Variants in SCAI observed in about 807,000 individuals in gnomAD.
SCAI encodes the protein suppressor of cancer cell invasion.
In SCAI, 24 loss-of-function variants were observed where a neutral mutation model predicts 92.2. The ratio of observed to expected loss-of-function variants is 0.26; its 90% CI spans 0.19 to 0.37. The LOEUF is 0.37. Among genes scored for constraint, SCAI ranks in the 10% least tolerant of loss-of-function variants. The pLI is 1.00. For synonymous variants in SCAI, 261 were observed against 258.6 expected (o/e 1.01, Z -0.09); for missense variants, 450 against 736.2 (o/e 0.61, Z 4.50).
intron 2 of SCAI, among the ~76,000 whole-genome samples, chr9:125,104,049 TCA>T (rs1480747070): frequency 1.3e-5 from 2 of 152,182 alleles, no homozygotes; most frequent in East Asian, 3.8e-4. Flanking sequence ...AGCCAGGCCT[TCA>T]CATATAGTTG....
chr9:125,143,319 T>C (rs13288300), intron 1 of SCAI, 66 bp downstream of exon 1: 17 of 907,598 alleles, frequency 1.9e-5, no homozygotes, highest in Middle Eastern at 4.2e-4. Context: ...CCCGAGCCGC[T>C]GCCCCTGGGC....
intron 14 of SCAI, among the ~76,000 whole-genome samples, chr9:124,992,699 C>A (rs1403025130): frequency 6.6e-6 from 1 of 152,096 alleles, no homozygotes; most frequent in African/African-American, 2.4e-5. Context: ...CTTTTCATTT[C>A]TGAAGATTGG....
At chr9:125,010,196 G>A (rs1203944420) in intron 9 of SCAI, among the ~76,000 whole-genome samples, 3 of 152,228 alleles carry the variant, frequency 2.0e-5, no homozygotes, top group African/African-American at 7.2e-5. Flanking sequence ...AGTGGGTGCA[G>A]CGCACCGTGC....
At chr9:125,128,619 GGT>G (rs906867565) in intron 2 of SCAI, among the ~76,000 whole-genome samples, 2 of 152,108 alleles carry the variant, frequency 1.3e-5, no homozygotes, top group Non-Finnish European at 2.9e-5. Flanking sequence ...CGGGTGTGGT[GGT>G]GTGTGCCTGT....
chr9:125,038,718 C>G (rs1347342120), intron 3 of SCAI, among the ~76,000 whole-genome samples: 1 of 152,196 alleles, frequency 6.6e-6, no homozygotes, highest in Non-Finnish European at 1.5e-5. Context: ...TGCAGTTCTT[C>G]CTGAATATCA....
rs866747293 is a variant in SCAI at position 124,946,721 on chromosome 9, A to G, written c.*6086T>C. 6 of 152,192 alleles carry G rather than the reference A, an allele frequency of 3.9e-5. No homozygotes were observed. The highest frequency in any genetic ancestry group is 1.4e-4 in the African/African-American group (6 of 41,462). The allele number at this position is 152,192 out of a possible 1,614,324, so 9.4% of individuals were successfully genotyped here. On this transcript the variant is annotated 3_prime_UTR_variant, in exon 18 of 18. Transcript: ENST00000336505. The surrounding 1 kb of genome is among the most constrained non-coding windows in gnomAD (Gnocchi z 4.0). ...ATCCTTGGGAGAGGTTTGAAGGCCC[A>G]GATTTTTATAGCACACCATGCATCT...
chr9:125,115,141 G>T (rs1237953264), intron 2 of SCAI, among the ~76,000 whole-genome samples: 1 of 151,962 alleles, frequency 6.6e-6, no homozygotes, highest in East Asian at 1.9e-4. Flanking sequence ...AGGAGGCCGA[G>T]GTGGGCGGAT....
At position 125,019,171 on chromosome 9, in the gene SCAI, C is replaced by T. The variant is rs749607765; in HGVS notation, c.644G>A (p.Arg215Gln). Reference sequence around the variant, plus strand: ...TTCCACTTGATCTTCAGTATTAAATCGGTGAGTATAATCTTCAATTTCATC... The same window carrying T: ...TTCCACTTGATCTTCAGTATTAAATTGGTGAGTATAATCTTCAATTTCATC... The part of the protein sequence containing the change: ...LSDEIEDYTH[R>Q]FNTEDQVEWN... The change falls in exon 8 of 18, where the codon CGA becomes CAA. Residue 215 changes from arginine to glutamine, a missense_variant. Physicochemically the swap from Arg to Gln is conservative, Grantham distance 43. Around this residue, in one of 3 missense-constraint regions of SCAI, gnomAD observed 360 missense variants for 601.8 expected, o/e 0.60. Coordinates refer to ENST00000336505, the MANE Select transcript of SCAI (RefSeq NM_001144877.3). 2.4e-5 allele frequency: 39 copies of T among 1,599,474 alleles called. No homozygotes were observed. The Admixed American group carries it at 3.2e-4, about 13-fold the overall frequency.
At chr9:125,004,757 ATATATATATATATATATATATATTTTT>A (rs1172813508) in intron 9 of SCAI, among the ~76,000 whole-genome samples, 32 of 8,322 alleles carry the variant, frequency 3.8e-3, no homozygotes, top group East Asian at 0.036. Context: ...ATATATATAT[ATATATATATATATATATATATATTTTT>A]TTTTTTTTTT....
chr9:125,071,853 G>T (rs560053986), intron 2 of SCAI, among the ~76,000 whole-genome samples: 1 of 152,270 alleles, frequency 6.6e-6, no homozygotes, highest in African/African-American at 2.4e-5. Flanking sequence ...GTGCACACTG[G>T]TATAATTAGT....
At chr9:125,004,637 C>A (rs1225161205) in intron 9 of SCAI, among the ~76,000 whole-genome samples, 2 of 147,588 alleles carry the variant, frequency 1.4e-5, no homozygotes, top group African/African-American at 5.0e-5. Context: ...CTTTTCAGCC[C>A]GAATTCTATA....
intron 2 of SCAI, among the ~76,000 whole-genome samples, chr9:125,068,303 T>A (rs893570935): frequency 2.0e-5 from 3 of 150,524 alleles, no homozygotes; most frequent in Admixed American, 6.6e-5. Flanking sequence ...ATGTTCAAGA[T>A]CAACCTGGGC....
At chr9:125,096,590 T>C (rs745451092) in intron 2 of SCAI, among the ~76,000 whole-genome samples, 32 of 152,204 alleles carry the variant, frequency 2.1e-4, no homozygotes, top group Non-Finnish European at 1.0e-4. Context: ...ACATCCTTGA[T>C]ACCAGCCTCC....
chr9:125,051,302 C>G (rs943885147), intron 3 of SCAI, among the ~76,000 whole-genome samples: 15 of 152,118 alleles, frequency 9.9e-5, no homozygotes, highest in African/African-American at 3.1e-4. Flanking sequence ...GGATTACAGG[C>G]GTGAGCTACC....
At position 125,012,825 on chromosome 9, in the gene SCAI, C is replaced by T. The variant is rs1832668535; in HGVS notation, c.861+5974G>A. On this transcript the variant is annotated intron_variant, in intron 9 of 17. Coordinates refer to ENST00000336505, the MANE Select transcript of SCAI (RefSeq NM_001144877.3). ...GTAAAAGATCAGAAATTATAACAAACTATCTCTCAGACCACAGTGCAATCA... is the reference window on the plus strand; with the variant it reads ...GTAAAAGATCAGAAATTATAACAAATTATCTCTCAGACCACAGTGCAATCA... Among the ~76,000 whole-genome samples, 9 of 152,166 alleles carry T rather than the reference C, an allele frequency of 5.9e-5. No homozygotes were observed. The South Asian group carries it at 1.7e-3, about 28-fold the overall frequency.
intron 14 of SCAI, among the ~76,000 whole-genome samples, chr9:124,991,979 C>G (rs555784540): frequency 6.6e-6 from 1 of 152,168 alleles, no homozygotes; most frequent in Non-Finnish European, 1.5e-5. Context: ...TGCAGTGGCA[C>G]GATCGCAGCT....
At chr9:124,962,254 G>A (rs1342656671) in intron 17 of SCAI, among the ~76,000 whole-genome samples, 1 of 150,546 alleles carries the variant, frequency 6.6e-6, no homozygotes, top group Non-Finnish European at 1.5e-5. Context: ...CCACCTTCTG[G>A]GTTCAAGCAG....
At chr9:125,108,044 G>T (rs536694500) in intron 2 of SCAI, among the ~76,000 whole-genome samples, 10 of 152,360 alleles carry the variant, frequency 6.6e-5, no homozygotes, top group African/African-American at 2.4e-4. Flanking sequence ...GTGTTGGCCG[G>T]GCTGGTCTCC....
chr9:125,116,491 A>G (rs1156275204), intron 2 of SCAI, among the ~76,000 whole-genome samples: 1 of 152,112 alleles, frequency 6.6e-6, no homozygotes, highest in African/African-American at 2.4e-5. Context: ...GGATACCAGG[A>G]ATATAGGATA....
Sources: allele counts gnomAD v4.1 joint callset (sites outside exome capture counted in the v4.1 genomes callset), GRCh38; gene constraint gnomAD v4.1.1; regional missense constraint gnomAD v4.1.1; non-coding constraint Gnocchi (gnomAD v3.1); transcripts MANE v1.5; gene names NCBI Gene and HGNC (gene_info 2026-07-23, HGNC 2026-07-21).